The following CLIP1 variants were observed in gnomAD, a reference collection of about 807,000 sequenced individuals.
CLIP1 encodes the protein CAP-Gly domain containing linker protein 1, also known as CAP-Gly domain-containing linker protein 1.
A neutral mutation model predicts 161.6 loss-of-function variants in CLIP1; 66 were observed. The observed-to-expected ratio is 0.41, with a 90% CI of 0.33 to 0.50. CLIP1 has a LOEUF of 0.50. Among genes scored for constraint, CLIP1 ranks in the 20% least tolerant of loss-of-function variants. The pLI is 0.27. For missense variants in CLIP1, 1,376 were observed against 1,702.0 expected (o/e 0.81, Z 3.37); for synonymous variants, 598 against 626.2 (o/e 0.96, Z 0.67).
At chr12:122,347,557 T>A in intron 9 of CLIP1, 78 bp from the exon 10 acceptor site, 1 of 1,117,752 alleles carries the variant, frequency 8.9e-7, no homozygotes, top group African/African-American at 1.5e-5. Flanking sequence ...GACAGCGGCA[T>A]GCAGGCTGAG....
chr12:122,355,491 T>C lies in CLIP1; in HGVS notation c.1006-179A>G. On this transcript the variant is annotated intron_variant, in intron 5 of 25. Transcript: ENST00000620786. This position sits in a 1 kb window ranked among gnomAD's most constrained non-coding sequence, Gnocchi z 4.1. ...CAAGACAGTGTGTGCCTTCTGTCTATAAATCTCACAAAGAATACATCAACG... is the reference window on the plus strand; with the variant it reads ...CAAGACAGTGTGTGCCTTCTGTCTACAAATCTCACAAAGAATACATCAACG... The C allele has an allele frequency of 1.7e-6, 1 of 597,508 alleles. No individual in the cohort carries two copies. Among genetic ancestry groups the C allele is most frequent in the Non-Finnish European group, 3.0e-6 (1 of 334,392 alleles). 37.0% of individuals were successfully genotyped at this position (597,508 alleles called of 1,614,324 possible). A position where few individuals can be genotyped will look rare whatever the true frequency, so the allele number is the denominator to read the frequency against.
At chr12:122,322,301 A>G (rs1951537842) in intron 17 of CLIP1, 1 of 152,580 alleles carries the variant, frequency 6.6e-6, no homozygotes, top group Non-Finnish European at 1.5e-5. Flanking sequence ...CTTCTCCTTC[A>G]GGAGCTCATC....
intron 24 of CLIP1, 103 bp downstream of exon 24, chr12:122,278,051 A>T: frequency 9.9e-7 from 1 of 1,012,032 alleles, no homozygotes; most frequent in Non-Finnish European, 1.5e-6. Context: ...AATTCAAAAG[A>T]CTAAATGATA....
intron 20 of CLIP1, among the ~76,000 whole-genome samples, chr12:122,289,018 G>A (rs943957932): frequency 1.1e-4 from 17 of 150,778 alleles, no homozygotes; most frequent in East Asian, 3.9e-4. Context: ...GGTTTTCACC[G>A]TCTTAGCCAG....
intron 1 of CLIP1, among the ~76,000 whole-genome samples, chr12:122,407,652 T>G (rs1956371036): frequency 7.0e-6 from 1 of 143,862 alleles, no homozygotes; most frequent in East Asian, 2.0e-4. Flanking sequence ...GAGCTGTGAT[T>G]GTGCCACTGC....
chr12:122,338,499 T>C (rs908173999), intron 11 of CLIP1, among the ~76,000 whole-genome samples: 2 of 151,376 alleles, frequency 1.3e-5, no homozygotes, highest in Non-Finnish European at 3.0e-5. Flanking sequence ...AGTGGATCAC[T>C]TGAGGTCAGG....
intron 3 of CLIP1, among the ~76,000 whole-genome samples, chr12:122,368,902 A>AT (rs1954295709): frequency 6.6e-6 from 1 of 152,050 alleles, no homozygotes; most frequent in Admixed American, 6.6e-5. Flanking sequence ...CTGCACTTCA[A>AT]TAAAAAAAAA....
intron 15 of CLIP1, among the ~76,000 whole-genome samples, chr12:122,328,871 A>C (rs1017268277): frequency 6.6e-6 from 1 of 152,178 alleles, no homozygotes; most frequent in Non-Finnish European, 1.5e-5. Flanking sequence ...GTGAGCCACC[A>C]TGCCTGGGCA....
intron 20 of CLIP1, among the ~76,000 whole-genome samples, chr12:122,297,997 G>C (rs1950538098): frequency 6.6e-6 from 1 of 152,152 alleles, no homozygotes; most frequent in Admixed American, 6.6e-5. Context: ...TCCAGTTTGG[G>C]ACGAATCTGC....
chr12:122,314,758 A>G (rs1185962708), intron 19 of CLIP1, among the ~76,000 whole-genome samples: 1 of 152,208 alleles, frequency 6.6e-6, no homozygotes, highest in Non-Finnish European at 1.5e-5. Context: ...CGTGTCACCA[A>G]GAAAAGAAAT....
Position 122,336,612 on chromosome 12 carries a change from G to T in CLIP1, c.2568+20C>A. 8.0e-7 allele frequency: 1 copy of T among 1,252,994 alleles called. No homozygotes were observed. The highest frequency in any genetic ancestry group is 1.2e-6 in the Non-Finnish European group (1 of 860,496). The allele number at this position is 1,252,994 out of a possible 1,614,324, so 77.6% of individuals were successfully genotyped here. A position where few individuals can be genotyped will look rare whatever the true frequency, so the allele number is the denominator to read the frequency against. On this transcript the variant is annotated intron_variant, in intron 12 of 25. Coordinates refer to ENST00000620786, the MANE Select transcript of CLIP1 (RefSeq NM_001247997.2). Reference sequence around the variant, plus strand: ...AAATGGCCAGAAACCCTGAGATTCAGATTCCCAACAGGTACTTACCAAAAT... The same window carrying T: ...AAATGGCCAGAAACCCTGAGATTCATATTCCCAACAGGTACTTACCAAAAT...
In CLIP1 at chr12:122,340,802, T is replaced by G. The variant is rs1322362673; in HGVS notation, c.2402A>C (p.Glu801Ala). The change falls in exon 11 of 26, where the codon GAG (glutamate) becomes GCG (alanine). Residue 801 changes from glutamate (E) to alanine (A), a missense_variant. By Grantham distance (107) the Glu-to-Ala change is moderately radical (BLOSUM62 -1). This residue lies in a region of CLIP1 where 948 missense variants were observed against 1,134.8 expected (regional missense o/e 0.84). Transcript: ENST00000620786. ...KKLRQQLEAA[E>A]KQIKHLEIEK... Reference sequence around the variant, plus strand: ...AATCTCTAAATGTTTAATCTGTTTCTCAGCTGCCTCAAGCTGCTGTCTAAG... The same window carrying G: ...AATCTCTAAATGTTTAATCTGTTTCGCAGCTGCCTCAAGCTGCTGTCTAAG... 4 of 1,610,388 alleles carry G rather than the reference T, an allele frequency of 2.5e-6. No homozygotes were observed. The highest frequency in any genetic ancestry group is 2.5e-6 in the Non-Finnish European group (3 of 1,178,728).
In CLIP1 at chr12:122,416,361, A is replaced by T. The variant is rs374261627; in HGVS notation, c.-107+6160T>A. 3.9e-4 allele frequency among the ~76,000 whole-genome samples: 59 copies of T among 152,242 alleles called. 1 individual carries two copies. In the South Asian group the frequency reaches 0.011, roughly 29 times the overall value. On this transcript the variant is annotated intron_variant, in intron 1 of 25. Coordinates refer to ENST00000620786, the MANE Select transcript of CLIP1 (RefSeq NM_001247997.2). ...CTGTACATTACTTAAAATAACCTAAACTGGGCTCAATTTCTATTCACTAGC... is the reference window on the plus strand; with the variant it reads ...CTGTACATTACTTAAAATAACCTAATCTGGGCTCAATTTCTATTCACTAGC...
At chr12:122,274,513 C>A (rs530264650) in intron 24 of CLIP1, 81 of 157,162 alleles carry the variant, frequency 5.2e-4, no homozygotes, top group African/African-American at 1.9e-3. Flanking sequence ...CTAGGTATAA[C>A]ATGGGTAAAC....
intron 11 of CLIP1, among the ~76,000 whole-genome samples, chr12:122,338,124 G>A (rs998415778): frequency 6.7e-6 from 1 of 150,032 alleles, no homozygotes; most frequent in Non-Finnish European, 1.5e-5. Flanking sequence ...TCTCAGCTGA[G>A]GTCAGGAGTT....
chr12:122,387,147 C>A (rs1955310270), intron 1 of CLIP1, among the ~76,000 whole-genome samples: 1 of 152,192 alleles, frequency 6.6e-6, no homozygotes, highest in African/African-American at 2.4e-5. Flanking sequence ...CCGCCTCAGC[C>A]TCCCAAAGCA....
At chr12:122,414,787 C>G (rs1034435470) in intron 1 of CLIP1, among the ~76,000 whole-genome samples, 1 of 152,034 alleles carries the variant, frequency 6.6e-6, no homozygotes, top group African/African-American at 2.4e-5. Context: ...ACAGTACCAT[C>G]GGTCATTATG....
At chr12:122,303,745 T>G (rs1332413526) in intron 20 of CLIP1, among the ~76,000 whole-genome samples, 1 of 152,170 alleles carries the variant, frequency 6.6e-6, no homozygotes, top group Non-Finnish European at 1.5e-5. Context: ...CAGCCTCTCC[T>G]GTGATTGGAG....
chr12:122,369,695 C>A (rs561978168), intron 3 of CLIP1, among the ~76,000 whole-genome samples: 1 of 151,660 alleles, frequency 6.6e-6, no homozygotes, highest in Admixed American at 6.6e-5. Context: ...AAAAATAAAA[C>A]AGGGTAGTGT....
Sources: allele counts gnomAD v4.1 joint callset (sites outside exome capture counted in the v4.1 genomes callset), GRCh38; gene constraint gnomAD v4.1.1; regional missense constraint gnomAD v4.1.1; non-coding constraint Gnocchi (gnomAD v3.1); transcripts MANE v1.5; gene names NCBI Gene and HGNC (gene_info 2026-07-23, HGNC 2026-07-21).